The following PHTF2 variants were observed in gnomAD, a reference collection of about 807,000 sequenced individuals.
PHTF2 encodes putative homeodomain transcription factor 2, also known as protein PHTF2.
Under a neutral mutation model 101.2 loss-of-function variants are expected in PHTF2, and 60 were observed. The ratio of observed to expected loss-of-function variants is 0.59; its 90% CI spans 0.48 to 0.73. The LOEUF (loss-of-function observed/expected upper bound fraction) is 0.73. PHTF2 is among the 30% of genes least tolerant of loss of function. PHTF2 has a pLI of 0.00. For missense variants in PHTF2, 747 were observed against 908.7 expected (o/e 0.82, Z 2.29); for synonymous variants, 311 against 307.3 (o/e 1.01, Z -0.13).
intron 9 of PHTF2, among the ~76,000 whole-genome samples, chr7:77,913,946 A>G (rs773570449): frequency 2.3e-4 from 35 of 151,986 alleles, no homozygotes; most frequent in Admixed American, 3.9e-4. Flanking sequence ...CGTGCCTGTA[A>G]TCCCAGCTAC....
intron 1 of PHTF2, among the ~76,000 whole-genome samples, chr7:77,820,576 C>T (rs1794209199): frequency 6.6e-6 from 1 of 151,830 alleles, no homozygotes. Context: ...TAGAGTTTTG[C>T]TTTGTTGCCC....
At chr7:77,934,205 A>G (rs773969873) in intron 12 of PHTF2, among the ~76,000 whole-genome samples, 2 of 152,168 alleles carry the variant, frequency 1.3e-5, no homozygotes, top group African/African-American at 2.4e-5. Context: ...TCATGAAAAA[A>G]CACTGAGCAT....
At chr7:77,912,910 A>G (rs1802544645) in intron 9 of PHTF2, among the ~76,000 whole-genome samples, 1 of 151,476 alleles carries the variant, frequency 6.6e-6, no homozygotes, top group African/African-American at 2.4e-5. Flanking sequence ...GAGAACCACT[A>G]TTTTAAAACC....
At chr7:77,876,855 G>A (rs1798986226) in intron 3 of PHTF2, among the ~76,000 whole-genome samples, 1 of 152,216 alleles carries the variant, frequency 6.6e-6, no homozygotes, top group Admixed American at 6.5e-5. Context: ...TTAAGAGTGT[G>A]TTTTAAATAA....
intron 3 of PHTF2, among the ~76,000 whole-genome samples, chr7:77,862,402 A>G: frequency 6.6e-6 from 1 of 152,294 alleles, no homozygotes; most frequent in Middle Eastern, 3.4e-3. Context: ...GAATTTCTAT[A>G]TAGTATATAA....
rs570668700 is a variant in PHTF2, at chr7:77,882,513, A to G, written c.148-11095A>G. 9.8e-5 allele frequency among the ~76,000 whole-genome samples: 15 copies of G among 152,306 alleles called. No homozygotes were observed. In the South Asian group the frequency reaches 2.1e-3, roughly 21 times the overall value. On this transcript the variant is annotated intron_variant, in intron 3 of 19. Coordinates refer to ENST00000416283, the Ensembl canonical transcript of PHTF2. ...GAGATTTGCAAGTGGTTGCAGAGCA[A>G]ACTCTTTGCTTATAGTCAATAATAT...
At chr7:77,805,537 T>C (rs1477324354) in intron 1 of PHTF2, among the ~76,000 whole-genome samples, 1 of 152,248 alleles carries the variant, frequency 6.6e-6, no homozygotes, top group African/African-American at 2.4e-5. Flanking sequence ...AAAATGAGTG[T>C]TTAATTCTAT....
chr7:77,956,743 A>AT (rs1022990354), exon 20 of PHTF2: 5 of 152,744 alleles, frequency 3.3e-5, no homozygotes, highest in Non-Finnish European at 5.9e-5. Context: ...AAAGTACGGC[A>AT]TGAGTTCTGT....
At position 77,940,579 on chromosome 7, in the gene PHTF2, C is replaced by T. The variant is rs1213596161; in HGVS notation, c.1792C>T (p.Arg598Ter). 6 of 1,606,884 alleles carry T rather than the reference C, an allele frequency of 3.7e-6. No individual in the cohort carries two copies. The highest frequency in any genetic ancestry group is 2.2e-5 in the East Asian group (1 of 44,590). Residue 598 changes from arginine (R) to a stop codon, truncating the protein, a stop_gained, in exon 15 of 20, where the codon CGA becomes TGA. Transcript: ENST00000416283. LOFTEE classifies it high-confidence loss of function. Reference sequence around the variant, plus strand: ...ACATTTAACATCTGCAAGGAGGGCTCGAAAATCTGAGGTTCCTCATTTCCG... The same window carrying T: ...ACATTTAACATCTGCAAGGAGGGCTTGAAAATCTGAGGTTCCTCATTTCCG...
intron 7 of PHTF2, 37 bp downstream of exon 6, chr7:77,901,957 T>G: frequency 1.5e-6 from 2 of 1,292,042 alleles, no homozygotes; most frequent in South Asian, 3.3e-5. Context: ...CTTTTCAGAA[T>G]GTTACATTGT....
intron 1 of PHTF2, among the ~76,000 whole-genome samples, chr7:77,803,670 T>C (rs1364358133): frequency 1.3e-5 from 2 of 151,522 alleles, no homozygotes; most frequent in African/African-American, 4.9e-5. Context: ...TTGCAGTTAT[T>C]TGACTGAGTT....
At chr7:77,813,192 G>A (rs965751810) in intron 1 of PHTF2, among the ~76,000 whole-genome samples, 1 of 152,204 alleles carries the variant, frequency 6.6e-6, no homozygotes, top group Non-Finnish European at 1.5e-5. Context: ...ATCACCAAGG[G>A]ACTGTGTGAA....
intron 11 of PHTF2, among the ~76,000 whole-genome samples, chr7:77,925,578 C>T (rs1181409905): frequency 3.8e-5 from 5 of 131,060 alleles, no homozygotes; most frequent in Non-Finnish European, 7.8e-5. Context: ...GGCGCCATCT[C>T]GGCTCACTGC....
chr7:77,927,157 CAAAAAAAAAAA>C (rs869210694), intron 11 of PHTF2, among the ~76,000 whole-genome samples: 18 of 36,524 alleles, frequency 4.9e-4, no homozygotes, highest in African/African-American at 1.2e-3. Flanking sequence ...GACTCCATCT[CAAAAAAAAAAA>C]AAAAAAAAAA....
chr7:77,799,509 C>G (rs1004445909), intron 1 of PHTF2, among the ~76,000 whole-genome samples: 5 of 152,156 alleles, frequency 3.3e-5, no homozygotes, highest in Non-Finnish European at 7.3e-5. Context: ...AGGCGGCAGT[C>G]GAGTTTTCTG....
At chr7:77,915,279 T>C (rs991721293) in intron 9 of PHTF2, among the ~76,000 whole-genome samples, 1 of 143,778 alleles carries the variant, frequency 7.0e-6, no homozygotes, top group Non-Finnish European at 1.5e-5. Flanking sequence ...AGTGCAGTGG[T>C]GCAATCTCGG....
At chr7:77,931,054 C>T (rs1027905046) in intron 12 of PHTF2, among the ~76,000 whole-genome samples, 2 of 152,054 alleles carry the variant, frequency 1.3e-5, no homozygotes, top group African/African-American at 2.4e-5. Flanking sequence ...CAATAAGTGG[C>T]ATTACAAGTC....
chr7:77,940,855 T>A (rs771128016), intron 15 of PHTF2, among the ~76,000 whole-genome samples, 196 bp downstream of exon 14: 12 of 152,018 alleles, frequency 7.9e-5, no homozygotes, highest in African/African-American at 1.2e-4. Context: ...AAAAAGAATT[T>A]AAAAAAAATA....
chr7:77,888,668 T>A (rs1462092312), intron 3 of PHTF2, among the ~76,000 whole-genome samples: 1 of 152,246 alleles, frequency 6.6e-6, no homozygotes, highest in Non-Finnish European at 1.5e-5. Context: ...TTTAATCTTT[T>A]GTATGCCATT....
Sources: allele counts gnomAD v4.1 joint callset (sites outside exome capture counted in the v4.1 genomes callset), GRCh38; gene constraint gnomAD v4.1.1; transcripts MANE v1.5; gene names NCBI Gene and HGNC (gene_info 2026-07-23, HGNC 2026-07-21).